The following MAGEA11 variants were observed in gnomAD, a reference collection of about 807,000 sequenced individuals.
MAGEA11 encodes MAGE family member A11, also known as melanoma-associated antigen 11.
A neutral mutation model predicts 8.4 loss-of-function variants in MAGEA11; 1 was observed. The observed-to-expected ratio is 0.12, with a 90% confidence interval of 0.04 to 0.57. The LOEUF (loss-of-function observed/expected upper bound fraction) is 0.57. Ranked by LOEUF, MAGEA11 falls within the 20% of genes least tolerant of loss-of-function variation. MAGEA11 has a pLI of 0.91. For missense variants in MAGEA11, 209 were observed against 317.3 expected (o/e 0.66, Z 2.59); for synonymous variants, 127 against 119.3 (o/e 1.06, Z -0.42).
chrX:149,692,760 G>A (rs2090315614), intron 1 of MAGEA11, among the ~76,000 whole-genome samples: 1 of 111,947 alleles, frequency 8.9e-6, no homozygotes, highest in Non-Finnish European at 1.9e-5. Context: ...ATTCCCACGT[G>A]TTGTGGGAGG....
chrX:149,711,538 G>T (rs369251086), upstream of MAGEA11, among the ~76,000 whole-genome samples: 1 of 111,641 alleles, frequency 9.0e-6, no homozygotes, highest in South Asian at 3.8e-4. Flanking sequence ...TCTGCAAGGG[G>T]TGCAGTTGGG....
chrX:149,700,721 T>G (rs1187974582), intron 1 of MAGEA11, among the ~76,000 whole-genome samples: 1 of 89,665 alleles, frequency 1.1e-5, no homozygotes, highest in Non-Finnish European at 2.2e-5. Context: ...CCCCCTCCCC[T>G]GACCCCACAA....
At chrX:149,689,027 G>C (rs782528312) in intron 1 of MAGEA11, 5 of 1,001,539 alleles carry the variant, frequency 5.0e-6, no homozygotes, top group Non-Finnish European at 6.6e-6. Flanking sequence ...GCTGGAGTGG[G>C]AATGCCCAGG....
intron 2 of MAGEA11, chrX:149,713,733 G>A (rs1401419974): frequency 8.6e-6 from 1 of 116,232 alleles, no homozygotes; most frequent in African/African-American, 3.2e-5. Flanking sequence ...TCAGAGAGGT[G>A]GGGCCCTTGG....
chrX:149,690,202 C>T (rs1289194135), intron 1 of MAGEA11, among the ~76,000 whole-genome samples: 4 of 112,761 alleles, frequency 3.5e-5, no homozygotes, highest in Admixed American at 9.4e-5. Flanking sequence ...CCTCTGCTTC[C>T]GCACATGGTG....
chrX:149,701,065 T>C (rs371653884), intron 1 of MAGEA11, among the ~76,000 whole-genome samples: 6 of 111,397 alleles, frequency 5.4e-5, no homozygotes, highest in African/African-American at 1.3e-4. Context: ...ATTTATAGTC[T>C]TTTGGGTATA....
intron 1 of MAGEA11, among the ~76,000 whole-genome samples, chrX:149,696,607 A>G (rs2090331206): frequency 9.0e-6 from 1 of 110,696 alleles, no homozygotes; most frequent in South Asian, 3.9e-4. Flanking sequence ...TGCTTCAGGT[A>G]TAGGTCTTCT....
chrX:149,692,565 A>G (rs1383889216), intron 1 of MAGEA11, among the ~76,000 whole-genome samples: 2 of 112,146 alleles, frequency 1.8e-5, no homozygotes, highest in Non-Finnish European at 1.9e-5. Flanking sequence ...GTTTGTTTAC[A>G]TAGGAACTCA....
At chrX:149,715,573 T>A in intron 3 of MAGEA11, 31 bp from the exon 4 acceptor site, 5 of 1,093,868 alleles carry the variant, frequency 4.6e-6, no homozygotes, top group Non-Finnish European at 5.1e-6. Flanking sequence ...TCCAGCTGCA[T>A]CTTGAGCAGC....
chrX:149,704,679 G>C (rs1557361277), intron 1 of MAGEA11, among the ~76,000 whole-genome samples: 1 of 111,989 alleles, frequency 8.9e-6, no homozygotes, highest in African/African-American at 3.2e-5. Context: ...AGTTGCCCAG[G>C]CTAAGCTACA....
chrX:149,708,660 G>T (rs1215641172), upstream of MAGEA11, among the ~76,000 whole-genome samples: 2 of 110,752 alleles, frequency 1.8e-5, no homozygotes, highest in Non-Finnish European at 3.8e-5. Flanking sequence ...TAGGGAGGCT[G>T]GTCTATTGAA....
At chrX:149,688,930 G>A (rs782734015) in exon 1 of MAGEA11, 1 of 1,021,722 alleles carries the variant, frequency 9.8e-7, no homozygotes, top group South Asian at 1.8e-5. Flanking sequence ...TATGCAAGTG[G>A]AGCTGGTGAC....
chrX:149,696,819 G>A (rs1224384156), intron 1 of MAGEA11, among the ~76,000 whole-genome samples: 1 of 111,848 alleles, frequency 8.9e-6, no homozygotes, highest in Non-Finnish European at 1.9e-5. Flanking sequence ...ATGGCTTCTG[G>A]CCCTAGCATT....
rs782094768 is a variant in MAGEA11, at chrX:149,700,596, G to A, written c.9+11612G>A. 6.5e-5 allele frequency among the ~76,000 whole-genome samples: 7 copies of A among 107,596 alleles called. No homozygotes were observed. The South Asian group carries it at 2.9e-3, about 45-fold the overall frequency. 93.4% of individuals were successfully genotyped at this position (107,596 alleles called of 115,157 possible). A position where few individuals can be genotyped will look rare whatever the true frequency, so the allele number is the denominator to read the frequency against. On this transcript the variant is annotated intron_variant, in intron 1 of 3. Coordinates refer to the MAGEA11 transcript ENST00000333104. The stretch of plus-strand genomic sequence containing the variant: ...TTTTTTTATTGTACTTTAAGTTTTA[G>A]GGTACATGTGCACATTGTGCAGGTT...
chrX:149,691,703 C>A (rs1356156318), intron 1 of MAGEA11, among the ~76,000 whole-genome samples: 1 of 112,048 alleles, frequency 8.9e-6, no homozygotes, highest in Admixed American at 9.5e-5. Context: ...CTGGAGATTT[C>A]TCTCTGTACC....
In MAGEA11 at chrX:149,716,650, A is replaced by G. The variant is rs974294656; in HGVS notation, c.1164A>G (p.Pro388=). The change falls in exon 5 of 5, where the codon CCA becomes CCG. Residue 388 remains proline (P), a synonymous_variant. Coordinates refer to ENST00000355220, the MANE Select transcript of MAGEA11 (RefSeq NM_005366.5). The part of the protein sequence containing the change: ...DPACYEFLWG[P]RAHAETSKMK... ...CATGCTATGAGTTCCTGTGGGGTCC[A>G]AGGGCCCACGCTGAGACCAGCAAGA... 8 of 1,210,239 alleles carry G rather than the reference A, an allele frequency of 6.6e-6. No individual in the cohort carries two copies. In the African/African-American group the frequency reaches 8.7e-5, roughly 13 times the overall value.
intron 1 of MAGEA11, among the ~76,000 whole-genome samples, chrX:149,705,275 T>C (rs1292107000): frequency 3.6e-5 from 4 of 111,724 alleles, no homozygotes; most frequent in African/African-American, 1.3e-4. Flanking sequence ...TTTGAGATAA[T>C]TGAATCATGG....
chrX:149,715,902 A>G lies in MAGEA11; in HGVS notation c.416A>G (p.Gln139Arg). The G allele has an allele frequency of 8.3e-7, 1 of 1,211,622 alleles. No homozygotes were observed. Among genetic ancestry groups the G allele is most frequent in the Non-Finnish European group, 1.1e-6 (1 of 895,519 alleles). Residue 139 changes from glutamine to arginine, a missense_variant, in exon 5 of 5, where the codon CAG becomes CGG. By Grantham distance (43) the Gln-to-Arg change is conservative (BLOSUM62 1). Transcript: ENST00000355220. Reference protein sequence around the residue: ...QEEDLGLVGAQALQAEEQEAA... With the variant: ...QEEDLGLVGARALQAEEQEAA... ...GAAGACCTGGGCCTGGTGGGTGCAC[A>G]GGCTCTCCAAGCTGAGGAGCAGGAG...
upstream of MAGEA11, among the ~76,000 whole-genome samples, chrX:149,711,181 T>G (rs1462112563): frequency 1.8e-5 from 2 of 112,260 alleles, no homozygotes; most frequent in African/African-American, 6.5e-5. Context: ...AATTATCGTT[T>G]TAATTGAAGA....
Sources: allele counts gnomAD v4.1 joint callset (sites outside exome capture counted in the v4.1 genomes callset), GRCh38; gene constraint gnomAD v4.1.1; transcripts MANE v1.5; gene names NCBI Gene and HGNC (gene_info 2026-07-23, HGNC 2026-07-21).